AOAH: variants seen among roughly 807,000 people sequenced by gnomAD.
The protein encoded by AOAH is acyloxyacyl hydrolase (neutrophil).
A neutral mutation model predicts 92.2 loss-of-function variants in AOAH; 64 were observed. The ratio of observed to expected loss-of-function variants is 0.69; its 90% CI spans 0.57 to 0.86. AOAH has a LOEUF of 0.86. AOAH is among the 40% of genes least tolerant of loss of function. The pLI, the probability that AOAH is intolerant of heterozygous loss-of-function variation, is 0.00. For missense variants in AOAH, 656 were observed against 694.6 expected (o/e 0.94, Z 0.62); for synonymous variants, 263 against 254.5 (o/e 1.03, Z -0.32).
Position 36,674,018 on chromosome 7 carries a change from T to C in AOAH, c.224-9A>G, listed in dbSNP as rs751397569. The C allele has an allele frequency of 7.1e-6, 11 of 1,547,664 alleles. No homozygotes were observed. Among genetic ancestry groups the C allele is most frequent in the Admixed American group, 5.0e-5 (3 of 59,538 alleles). On this transcript the variant is annotated splice_polypyrimidine_tract_variant and intron_variant, in intron 2 of 20. Transcript: ENST00000617537. Reference sequence around the variant, plus strand: ...TTTCAAGAACAGTTTTTCTAAAAAATATAAAGAGGGAAATTGAATATATTT... The same window carrying C: ...TTTCAAGAACAGTTTTTCTAAAAAACATAAAGAGGGAAATTGAATATATTT...
chr7:36,552,843 C>T (rs1452041329), intron 13 of AOAH, among the ~76,000 whole-genome samples: 2 of 152,174 alleles, frequency 1.3e-5, no homozygotes, highest in African/African-American at 2.4e-5. Context: ...TCTGTTTCTA[C>T]ATTAATTCGC....
At chr7:36,641,610 G>A (rs1793925749) in intron 4 of AOAH, among the ~76,000 whole-genome samples, 1 of 152,170 alleles carries the variant, frequency 6.6e-6, no homozygotes, top group Admixed American at 6.5e-5. Flanking sequence ...GCTTCCTCCT[G>A]AAGCCTTCTC....
intron 3 of AOAH, among the ~76,000 whole-genome samples, chr7:36,663,001 G>C (rs1466317116): frequency 6.6e-6 from 1 of 152,182 alleles, no homozygotes; most frequent in African/African-American, 2.4e-5. Context: ...TATGGCATGT[G>C]TACTCTTGCT....
intron 11 of AOAH, among the ~76,000 whole-genome samples, chr7:36,601,274 C>T (rs576928677): frequency 6.6e-6 from 1 of 152,320 alleles, no homozygotes; most frequent in Admixed American, 6.5e-5. Flanking sequence ...CTTATAATCT[C>T]CCGTGTGTGA....
chr7:36,566,625 C>T (rs1787733183), intron 13 of AOAH, among the ~76,000 whole-genome samples: 1 of 151,978 alleles, frequency 6.6e-6, no homozygotes, highest in Non-Finnish European at 1.5e-5. Context: ...AGCCAGCTCC[C>T]AATAGATAGA....
At position 36,716,670 on chromosome 7, in the gene AOAH, G is replaced by T. The variant is rs1007204997; in HGVS notation, c.127+7352C>A. Among the ~76,000 whole-genome samples, 5 of 149,884 alleles carry T rather than the reference G, an allele frequency of 3.3e-5. 1 individual carries two copies. Among genetic ancestry groups the T allele is most frequent in the African/African-American group, 1.3e-4 (5 of 39,864 alleles). On this transcript the variant is annotated intron_variant, in intron 1 of 20. Coordinates refer to ENST00000617537, the MANE Select transcript of AOAH (RefSeq NM_001637.4). ...AAACAATGATGAGTTCATGTGCTTTGCAGGGACATGGATGAAGCTGGAAAC... is the reference window on the plus strand; with the variant it reads ...AAACAATGATGAGTTCATGTGCTTTTCAGGGACATGGATGAAGCTGGAAAC...
At chr7:36,544,305 G>T (rs1233378078) in intron 15 of AOAH, among the ~76,000 whole-genome samples, 1 of 152,088 alleles carries the variant, frequency 6.6e-6, no homozygotes, top group African/African-American at 2.4e-5. Flanking sequence ...GTGATGTTTG[G>T]GGGAGACTTT....
chr7:36,724,078 G>A lies in AOAH; in HGVS notation c.71C>T (p.Ser24Phe), dbSNP rs199803601. The change falls in exon 1 of 21, where the codon TCT (serine) becomes TTT (phenylalanine). Residue 24 changes from serine (S) to phenylalanine (F), a missense_variant. By Grantham distance (155) the Ser-to-Phe change is radical (BLOSUM62 -2). Transcript: ENST00000617537. ...FLLLSLQSSA[S>F]PANDDQSRPS... is the part of the protein sequence containing the mutation. ...CCTGGACTGGTCATCGTTGGCTGGA[G>A]AGGCCGAGGACTGAAGAGACAGGAG... 8.7e-6 allele frequency: 14 copies of A among 1,613,872 alleles called. No homozygotes were observed. In the Middle Eastern group the frequency reaches 6.6e-4, roughly 76 times the overall value.
intron 12 of AOAH, among the ~76,000 whole-genome samples, chr7:36,589,292 G>T (rs1789575664): frequency 6.6e-6 from 1 of 152,124 alleles, no homozygotes; most frequent in East Asian, 1.9e-4. Context: ...GACAATAATG[G>T]AGTCCCATGT....
chr7:36,602,053 C>G (rs778980866), intron 11 of AOAH, among the ~76,000 whole-genome samples: 2 of 152,322 alleles, frequency 1.3e-5, no homozygotes, highest in Non-Finnish European at 2.9e-5. Context: ...CATTCAACTT[C>G]AGCGAAATAA....
At position 36,643,488 on chromosome 7, in the gene AOAH, G is replaced by A. The variant is rs76807334; in HGVS notation, c.391-5578C>T. On this transcript the variant is annotated intron_variant, in intron 4 of 20. Transcript: ENST00000617537. Reference sequence around the variant, plus strand: ...CTGGCTCTAGGTGTCAAAAAGCCACGCACCTGGGTGGAAATTCATGCAACC... The same window carrying A: ...CTGGCTCTAGGTGTCAAAAAGCCACACACCTGGGTGGAAATTCATGCAACC... 1.1e-4 allele frequency among the ~76,000 whole-genome samples: 17 copies of A among 152,268 alleles called. No homozygotes were observed. The East Asian group carries it at 1.9e-3, about 17-fold the overall frequency.
chr7:36,567,238 A>T (rs1026206991), intron 13 of AOAH, among the ~76,000 whole-genome samples: 1 of 152,208 alleles, frequency 6.6e-6, no homozygotes, highest in East Asian at 1.9e-4. Context: ...CTGCAGGCTC[A>T]TATGGATTCC....
intron 13 of AOAH, among the ~76,000 whole-genome samples, chr7:36,574,635 A>C (rs991275401): frequency 6.6e-6 from 1 of 152,176 alleles, no homozygotes; most frequent in Admixed American, 6.5e-5. Context: ...CCTATCACTC[A>C]GTGTCTTACC....
At chr7:36,560,319 TGGG>T in intron 13 of AOAH, among the ~76,000 whole-genome samples, 1 of 152,366 alleles carries the variant, frequency 6.6e-6, no homozygotes, top group South Asian at 2.1e-4. Flanking sequence ...TAGATTGCTT[TGGG>T]CAGTATGGCC....
intron 2 of AOAH, among the ~76,000 whole-genome samples, chr7:36,682,529 C>A (rs1473132457): frequency 6.6e-6 from 1 of 150,902 alleles, no homozygotes; most frequent in Non-Finnish European, 1.5e-5. Context: ...GAAAGTCATG[C>A]CAAAAAAGGA....
chr7:36,582,583 T>TC (rs1562591239), intron 12 of AOAH, among the ~76,000 whole-genome samples: 1 of 152,022 alleles, frequency 6.6e-6, no homozygotes, highest in African/African-American at 2.4e-5. Flanking sequence ...CCTAATGCCT[T>TC]CCCCCACTGC....
intron 15 of AOAH, among the ~76,000 whole-genome samples, chr7:36,543,943 CTTTCTT>C (rs1237892518): frequency 6.0e-5 from 5 of 82,800 alleles, no homozygotes; most frequent in Non-Finnish European, 5.0e-5. Flanking sequence ...TTCTTTCTTT[CTTTCTT>C]TTTTTTTTTT....
At chr7:36,613,844 T>C (rs760162294) in intron 11 of AOAH, among the ~76,000 whole-genome samples, 1 of 152,216 alleles carries the variant, frequency 6.6e-6, no homozygotes, top group Non-Finnish European at 1.5e-5. Flanking sequence ...TTTCTTCCCA[T>C]AAGCGTTTTT....
intron 6 of AOAH, among the ~76,000 whole-genome samples, chr7:36,627,222 CG>C (rs1360526232): frequency 1.8e-4 from 27 of 151,968 alleles, no homozygotes; most frequent in East Asian, 5.8e-4. Flanking sequence ...ATGCTGTAAG[CG>C]GGTTGTGCAT....
Sources: gnomAD v4.1 joint callset for allele counts (sites outside exome capture counted in the v4.1 genomes callset) on GRCh38, gnomAD v4.1.1 for gene constraint, MANE v1.5 for transcripts, NCBI Gene and HGNC (gene_info 2026-07-23, HGNC 2026-07-21) for gene names.